The following TMEM178B variants were observed in gnomAD, a reference collection of about 807,000 sequenced individuals.
TMEM178B encodes transmembrane protein 178B.
A neutral mutation model predicts 31.0 loss-of-function variants in TMEM178B; 5 were observed. The observed-to-expected ratio is 0.16, with a 90% CI of 0.08 to 0.34. The LOEUF (loss-of-function observed/expected upper bound fraction) is 0.34, where lower values mean the gene tolerates loss of function less well. TMEM178B is among the 10% of genes least tolerant of loss of function. TMEM178B has a pLI of 1.00. For missense variants in TMEM178B, 275 were observed against 400.3 expected (o/e 0.69, Z 2.67); for synonymous variants, 164 against 164.0 (o/e 1.00, Z 0.00).
chr7:141,282,526 G>A (rs1330543160), intron 2 of TMEM178B, among the ~76,000 whole-genome samples: 3 of 152,196 alleles, frequency 2.0e-5, no homozygotes, highest in African/African-American at 7.2e-5. Flanking sequence ...GAACAACTTT[G>A]AAGAGGCAAT....
intron 2 of TMEM178B, among the ~76,000 whole-genome samples, chr7:141,276,565 G>A (rs777408853): frequency 9.9e-5 from 15 of 152,100 alleles, no homozygotes; most frequent in African/African-American, 2.4e-4. Flanking sequence ...ATGAGAACTC[G>A]CTCACTATCA....
rs999285362 is a variant in TMEM178B, at chr7:141,074,702, G to A, written c.382+10G>A. Reference sequence around the variant, plus strand: ...GCCCTCATTCGGAAAGGTAAGCGCCGGGCGCAAGGCGTGGCGCTGCGGAGA... The same window carrying A: ...GCCCTCATTCGGAAAGGTAAGCGCCAGGCGCAAGGCGTGGCGCTGCGGAGA... On this transcript the variant is annotated intron_variant, in intron 1 of 3. Coordinates refer to ENST00000565468, the MANE Select transcript of TMEM178B (RefSeq NM_001195278.2). The surrounding 1 kb of genome is among the most constrained non-coding windows in gnomAD (Gnocchi z 5.1). The A allele has an allele frequency of 1.4e-6, 2 of 1,475,372 alleles. No homozygotes were observed. Among genetic ancestry groups the A allele is most frequent in the Non-Finnish European group, 1.8e-6 (2 of 1,116,594 alleles). 91.4% of individuals were successfully genotyped at this position (1,475,372 alleles called of 1,614,324 possible). A position where few individuals can be genotyped will look rare whatever the true frequency, so the allele number is the denominator to read the frequency against.
chr7:141,500,077 CTG>C, the TMEM178B span, among the ~76,000 whole-genome samples: 1 of 152,090 alleles, frequency 6.6e-6, no homozygotes, highest in East Asian at 1.9e-4. Context: ...CTGAATAAAA[CTG>C]TGTATAGAGG....
In TMEM178B at chr7:141,217,252, C is replaced by A. The variant is rs927670049; in HGVS notation, c.496+4548C>A. ...TCCCCAGTAGCTCTGCTCTTGTTCT[C>A]CCCACCACAGGCATTGCCCTTTCAG... On this transcript the variant is annotated intron_variant, in intron 2 of 3. Transcript: ENST00000565468. Among the ~76,000 whole-genome samples, 3 of 152,334 alleles carry A rather than the reference C, an allele frequency of 2.0e-5. No individual in the cohort carries two copies. In the East Asian group the frequency reaches 5.8e-4, roughly 29 times the overall value.
intron 1 of TMEM178B, among the ~76,000 whole-genome samples, chr7:141,142,411 CT>C (rs536091548): frequency 2.5e-3 from 349 of 137,078 alleles, no homozygotes; most frequent in Middle Eastern, 3.6e-3. Flanking sequence ...TCTTTTCTTT[CT>C]TTTTTTTTTT....
At chr7:141,213,004 C>T (rs1797074567) in intron 2 of TMEM178B, among the ~76,000 whole-genome samples, 1 of 152,224 alleles carries the variant, frequency 6.6e-6, no homozygotes, top group African/African-American at 2.4e-5. Context: ...ATTTCACCTA[C>T]CTGACTGAAC....
In TMEM178B at chr7:141,308,661, T is replaced by C. The variant is rs572651416; in HGVS notation, c.496+95957T>C. On this transcript the variant is annotated intron_variant, in intron 2 of 3. Transcript: ENST00000565468. Reference sequence around the variant, plus strand: ...TTCAGGGCCTGAAATCCCACCCCAGTTGGTCTCCTATCACCGTAGAGTAGC... The same window carrying C: ...TTCAGGGCCTGAAATCCCACCCCAGCTGGTCTCCTATCACCGTAGAGTAGC... Among the ~76,000 whole-genome samples the C allele has an allele frequency of 1.2e-4, 19 of 152,276 alleles. No homozygotes were observed. In the South Asian group the frequency reaches 1.9e-3, roughly 15 times the overall value.
At position 141,244,717 on chromosome 7, in the gene TMEM178B, G is replaced by A. The variant is rs529038659; in HGVS notation, c.496+32013G>A. ...AAAAATTGAGTGAGAATACAGATTCGAGAGTCATGGAATAGAGGTGATAGT... is the reference window on the plus strand; with the variant it reads ...AAAAATTGAGTGAGAATACAGATTCAAGAGTCATGGAATAGAGGTGATAGT... On this transcript the variant is annotated intron_variant, in intron 2 of 3. Coordinates refer to ENST00000565468, the MANE Select transcript of TMEM178B (RefSeq NM_001195278.2). Among the ~76,000 whole-genome samples the A allele has an allele frequency of 2.6e-5, 4 of 152,238 alleles. No homozygotes were observed. The South Asian group carries it at 6.2e-4, about 24-fold the overall frequency.
intron 1 of TMEM178B, among the ~76,000 whole-genome samples, chr7:141,134,747 A>G (rs1471082796): frequency 6.6e-6 from 1 of 152,256 alleles, no homozygotes; most frequent in East Asian, 1.9e-4. Context: ...GATTTAAAAA[A>G]TGACATAAGT....
chr7:141,325,737 A>G (rs2116481786), intron 2 of TMEM178B, among the ~76,000 whole-genome samples: 1 of 152,280 alleles, frequency 6.6e-6, no homozygotes, highest in Admixed American at 6.5e-5. Context: ...TCCTGAGTGA[A>G]TTATGTTCAA....
At chr7:141,330,027 T>C (rs1046484099) in intron 2 of TMEM178B, among the ~76,000 whole-genome samples, 3 of 151,984 alleles carry the variant, frequency 2.0e-5, no homozygotes, top group Non-Finnish European at 4.4e-5. Context: ...AAGATGGCCA[T>C]GGTAACCCTG....
chr7:141,108,829 C>T (rs575469554), intron 1 of TMEM178B, among the ~76,000 whole-genome samples: 27 of 152,180 alleles, frequency 1.8e-4, no homozygotes, highest in South Asian at 1.7e-3. Context: ...TGTATTAGTC[C>T]GTTTTCTTGC....
chr7:141,256,316 A>AG (rs1797927125), intron 2 of TMEM178B, among the ~76,000 whole-genome samples: 1 of 152,258 alleles, frequency 6.6e-6, no homozygotes, highest in Admixed American at 6.5e-5. Flanking sequence ...CACAGTAATC[A>AG]GAAAAATGCT....
chr7:141,479,747 A>AT lies in TMEM178B; in HGVS notation c.*8962dup, dbSNP rs1221646038. On this transcript the variant is annotated 3_prime_UTR_variant, in exon 4 of 4. Coordinates refer to ENST00000565468, the MANE Select transcript of TMEM178B (RefSeq NM_001195278.2). Reference sequence around the variant, plus strand: ...AAACTCTCAAACGCCTGGAGTGTTTATGGCCCACCAGATTATTGCTCAGTC... The same window carrying AT: ...AAACTCTCAAACGCCTGGAGTGTTTATTGGCCCACCAGATTATTGCTCAGTC... 1 of 152,158 alleles carries AT rather than the reference A, an allele frequency of 6.6e-6. No individual in the cohort carries two copies. The highest frequency in any genetic ancestry group is 2.4e-5 in the African/African-American group (1 of 41,438). 9.4% of individuals were successfully genotyped at this position (152,158 alleles called of 1,614,324 possible).
intron 2 of TMEM178B, among the ~76,000 whole-genome samples, chr7:141,360,826 G>T (rs926953074): frequency 1.3e-5 from 2 of 152,080 alleles, no homozygotes; most frequent in Admixed American, 1.3e-4. Context: ...TGGTTTATAG[G>T]TGTACTGATA....
At chr7:141,430,718 G>A (rs1355411755) in intron 2 of TMEM178B, among the ~76,000 whole-genome samples, 1 of 152,110 alleles carries the variant, frequency 6.6e-6, no homozygotes, top group Non-Finnish European at 1.5e-5. Flanking sequence ...GCTTGTCCTG[G>A]TTGATCCCGT....
intron 2 of TMEM178B, among the ~76,000 whole-genome samples, chr7:141,375,876 GAAC>G (rs1174279859): frequency 6.6e-6 from 1 of 152,174 alleles, no homozygotes; most frequent in Non-Finnish European, 1.5e-5. Context: ...AGCCTTGGGT[GAAC>G]AACAGAAGGA....
intron 2 of TMEM178B, among the ~76,000 whole-genome samples, chr7:141,374,405 A>C (rs977525611): frequency 4.6e-5 from 7 of 152,178 alleles, no homozygotes; most frequent in Non-Finnish European, 7.3e-5. Context: ...GATACGCAGC[A>C]TAGACAACAC....
intron 2 of TMEM178B, among the ~76,000 whole-genome samples, chr7:141,374,728 C>T (rs1373601603): frequency 2.6e-5 from 4 of 152,158 alleles, no homozygotes; most frequent in South Asian, 2.1e-4. Flanking sequence ...GATTTTACTC[C>T]GGTGTTTACT....
Sources: gnomAD v4.1 joint callset for allele counts (sites outside exome capture counted in the v4.1 genomes callset) on GRCh38, gnomAD v4.1.1 for gene constraint, Gnocchi (gnomAD v3.1) non-coding constraint, MANE v1.5 for transcripts, NCBI Gene and HGNC (gene_info 2026-07-23, HGNC 2026-07-21) for gene names.